Variants in FCHO2 observed in about 807,000 individuals in gnomAD.
The protein encoded by FCHO2 is FCH and mu domain containing endocytic adaptor 2.
A neutral mutation model predicts 114.1 loss-of-function variants in FCHO2; 43 were observed. That is an observed-to-expected ratio of 0.38 (90% CI 0.30 to 0.49). FCHO2 has a LOEUF of 0.49. Ranked by LOEUF, FCHO2 falls within the 20% of genes least tolerant of loss-of-function variation. FCHO2 has a pLI of 0.97. For synonymous variants in FCHO2, 293 were observed against 315.2 expected (o/e 0.93, Z 0.75); for missense variants, 807 against 950.4 (o/e 0.85, Z 1.98).
Position 73,077,446 on chromosome 5 carries a change from T to C in FCHO2, c.1800T>C (p.Asn600=), listed in dbSNP as rs1742949746. 1 of 1,602,968 alleles carries C rather than the reference T, an allele frequency of 6.2e-7. No individual in the cohort carries two copies. The part of the protein sequence containing the change: ...TPAVLCFRVK[N]ISRLEQILPN... ...CTGTGTTGTGCTTCAGGGTGAAAAA[T>C]ATCAGCAGACTAGAGCAGATTCTTC... is the stretch of plus-strand genomic sequence containing the variant. Residue 600 remains asparagine, a synonymous_variant, in exon 21 of 26, where the codon AAT becomes AAC. Transcript: ENST00000430046.
At chr5:72,984,983 A>G (rs1174798131) in intron 2 of FCHO2, among the ~76,000 whole-genome samples, 1 of 152,050 alleles carries the variant, frequency 6.6e-6, no homozygotes, top group Non-Finnish European at 1.5e-5. Context: ...GAGTCTCTTA[A>G]TCTATAGCCA....
At position 73,082,867 on chromosome 5, in the gene FCHO2, T is replaced by G. The variant is rs753250689; in HGVS notation, c.2245+42T>G. 5 of 1,479,140 alleles carry G rather than the reference T, an allele frequency of 3.4e-6. No individual in the cohort carries two copies. In the South Asian group the frequency reaches 6.5e-5, roughly 19 times the overall value. 91.6% of individuals were successfully genotyped at this position (1,479,140 alleles called of 1,614,324 possible). Reference sequence around the variant, plus strand: ...TTTTTTATTTATAAAATGATGTCACTGAAAATTGATTTTTTTTTTTTTTTT... The same window carrying G: ...TTTTTTATTTATAAAATGATGTCACGGAAAATTGATTTTTTTTTTTTTTTT... On this transcript the variant is annotated intron_variant, in intron 24 of 25. Transcript: ENST00000430046.
rs773622967 is a variant in FCHO2 at position 72,956,103 on chromosome 5, A to G, written c.7A>G (p.Met3Val). The change falls in exon 1 of 26, where the codon ATG becomes GTG. Residue 3 changes from methionine to valine, a missense_variant. Coordinates refer to ENST00000430046, the MANE Select transcript of FCHO2 (RefSeq NM_138782.3). The part of the protein sequence containing the change: MV[M>V]AYFVENFWGE... ...CCGGCGCGGCGGCGGCACGATGGTC[A>G]TGGCGTATTTCGTCGAGAATTTTTG... 2.6e-6 allele frequency: 4 copies of G among 1,542,214 alleles called. No individual in the cohort carries two copies. In the South Asian group the frequency reaches 4.8e-5, roughly 19 times the overall value.
chr5:72,978,919 T>G (rs1376276790), intron 2 of FCHO2, among the ~76,000 whole-genome samples: 2 of 152,214 alleles, frequency 1.3e-5, no homozygotes, highest in African/African-American at 4.8e-5. Context: ...ATTTATTGAT[T>G]TGCGTATGTT....
intron 2 of FCHO2, among the ~76,000 whole-genome samples, chr5:72,975,230 A>G: frequency 6.6e-6 from 1 of 152,194 alleles, no homozygotes. Context: ...TTTGTATCCC[A>G]GTGGCTAGCA....
chr5:73,022,591 G>A (rs747377239), intron 8 of FCHO2, among the ~76,000 whole-genome samples: 4 of 152,186 alleles, frequency 2.6e-5, no homozygotes, highest in Non-Finnish European at 5.9e-5. Flanking sequence ...GGAGATCTCA[G>A]TCTCTCTCAT....
At chr5:73,044,778 A>G (rs1412942617) in intron 11 of FCHO2, among the ~76,000 whole-genome samples, 7 of 151,792 alleles carry the variant, frequency 4.6e-5, no homozygotes, top group African/African-American at 1.5e-4. Context: ...CCATTCTGGT[A>G]TATATTTTTT....
chr5:72,985,184 T>C (rs760503027), intron 2 of FCHO2, among the ~76,000 whole-genome samples: 7 of 151,934 alleles, frequency 4.6e-5, no homozygotes, highest in Non-Finnish European at 1.0e-4. Flanking sequence ...TTTTTTGGAC[T>C]GAGTCTCACT....
chr5:73,039,673 A>T (rs1201059929), intron 10 of FCHO2, among the ~76,000 whole-genome samples: 1 of 146,646 alleles, frequency 6.8e-6, no homozygotes, highest in Non-Finnish European at 1.5e-5. Context: ...CATGCCTGTA[A>T]ACCCAGCATT....
chr5:73,009,939 G>C lies in FCHO2; in HGVS notation c.600+3390G>C, dbSNP rs545293405. Among the ~76,000 whole-genome samples, 34 of 152,292 alleles carry C rather than the reference G, an allele frequency of 2.2e-4. No homozygotes were observed. The South Asian group carries it at 7.0e-3, about 32-fold the overall frequency. The stretch of plus-strand genomic sequence containing the variant: ...ATACTTTACTAATGTGTGTGTATTT[G>C]TTCTTTCTCAAGATCTTAGAGATCT... On this transcript the variant is annotated intron_variant, in intron 6 of 25. Transcript: ENST00000430046.
intron 2 of FCHO2, among the ~76,000 whole-genome samples, chr5:72,974,615 T>G (rs2112622063): frequency 6.6e-6 from 1 of 152,032 alleles, no homozygotes; most frequent in South Asian, 2.1e-4. Flanking sequence ...GTGAGATGGG[T>G]TTCCTGAATA....
intron 11 of FCHO2, among the ~76,000 whole-genome samples, chr5:73,049,421 A>G (rs1757239939): frequency 6.6e-6 from 1 of 151,964 alleles, no homozygotes; most frequent in South Asian, 2.1e-4. Context: ...ATTTTTTCCT[A>G]GTCCTTGAGG....
chr5:73,041,259 TA>T, intron 10 of FCHO2, 31 bp from the exon 11 acceptor site: 1 of 1,401,524 alleles, frequency 7.1e-7, no homozygotes, highest in Non-Finnish European at 1.0e-6. Context: ...CAATTCTAAT[TA>T]TTGAGTATTT....
At chr5:73,086,190 G>A (rs1743306025) in intron 24 of FCHO2, among the ~76,000 whole-genome samples, 1 of 152,106 alleles carries the variant, frequency 6.6e-6, no homozygotes, top group African/African-American at 2.4e-5. Flanking sequence ...TGTGTACTCA[G>A]AAGAGGGACA....
At chr5:73,044,293 A>G (rs903199973) in intron 11 of FCHO2, among the ~76,000 whole-genome samples, 2 of 152,180 alleles carry the variant, frequency 1.3e-5, no homozygotes, top group Non-Finnish European at 2.9e-5. Flanking sequence ...GCTGGAGTGC[A>G]GTGGCAACGA....
intron 2 of FCHO2, 124 bp from the exon 3 acceptor site, chr5:72,989,303 C>T (rs555850902): frequency 1.5e-6 from 1 of 681,444 alleles, no homozygotes; most frequent in African/African-American, 1.8e-5. Context: ...CATATATGTA[C>T]TTATTTTTAA....
intron 20 of FCHO2, among the ~76,000 whole-genome samples, chr5:73,075,852 T>G (rs1328439466): frequency 6.6e-6 from 1 of 152,058 alleles, no homozygotes; most frequent in Non-Finnish European, 1.5e-5. Flanking sequence ...TTAAGACATC[T>G]TAGTGGAAAT....
intron 2 of FCHO2, among the ~76,000 whole-genome samples, chr5:72,981,911 G>C (rs948253168): frequency 6.6e-6 from 1 of 152,038 alleles, no homozygotes; most frequent in Non-Finnish European, 1.5e-5. Context: ...TAGCTTAGGG[G>C]AGTTTGTTAT....
chr5:72,999,808 A>G lies in FCHO2; in HGVS notation c.496-6637A>G, dbSNP rs16902488. Among the ~76,000 whole-genome samples, 1,384 of 152,248 alleles carry G rather than the reference A, an allele frequency of 9.1e-3. 29 individuals carry two copies. The highest frequency in any genetic ancestry group is 0.032 in the African/African-American group (1,318 of 41,522). ...TACTATAAAAGTCATAGGCACTTAAAATGTTTTTGGTAGTATATTAATTTA... is the reference window on the plus strand; with the variant it reads ...TACTATAAAAGTCATAGGCACTTAAGATGTTTTTGGTAGTATATTAATTTA... On this transcript the variant is annotated intron_variant, in intron 5 of 25. Coordinates refer to ENST00000430046, the MANE Select transcript of FCHO2 (RefSeq NM_138782.3).
Sources: gnomAD v4.1 joint callset for allele counts (sites outside exome capture counted in the v4.1 genomes callset) on GRCh38, gnomAD v4.1.1 for gene constraint, MANE v1.5 for transcripts, NCBI Gene and HGNC (gene_info 2026-07-23, HGNC 2026-07-21) for gene names.